The following GRIN2A variants were observed in gnomAD, a reference collection of about 807,000 sequenced individuals.
GRIN2A encodes glutamate ionotropic receptor NMDA type subunit 2A, also known as glutamate receptor ionotropic, NMDA 2A.
In GRIN2A, 22 loss-of-function variants were observed where a neutral mutation model predicts 113.4. The observed-to-expected ratio is 0.19, with a 90% CI of 0.14 to 0.28. GRIN2A has a LOEUF of 0.28. Ranked by LOEUF, GRIN2A falls within the 10% of genes least tolerant of loss-of-function variation. The probability of loss-of-function intolerance (pLI) is 1.00; values close to 1 mark genes in which losing one functional copy is unlikely to be tolerated. For missense variants in GRIN2A, 1,502 were observed against 1,887.0 expected (o/e 0.80, Z 3.78); for synonymous variants, 827 against 738.4 (o/e 1.12, Z -1.94).
At chr16:9,876,403 C>T (rs112181640) in intron 4 of GRIN2A, among the ~76,000 whole-genome samples, 2,686 of 152,250 alleles carry the variant, frequency 0.018, 79 homozygotes, top group African/African-American at 0.06. Flanking sequence ...CCCCCACATC[C>T]GCACGTCCTC....
intron 2 of GRIN2A, among the ~76,000 whole-genome samples, chr16:9,990,563 GCACACACA>G (rs71157799): frequency 0.011 from 1,427 of 124,462 alleles, 10 homozygotes; most frequent in Middle Eastern, 0.034. Context: ...GCGCGCGCGC[GCACACACA>G]CACACACACA....
rs1405276485 is a variant in GRIN2A, at chr16:10,180,142, C to T, written c.270G>A (p.Met90Ile). The T allele has an allele frequency of 6.2e-7, 1 of 1,614,232 alleles. No individual in the cohort carries two copies. The highest frequency in any genetic ancestry group is 1.1e-5 in the South Asian group (1 of 91,090). Residue 90 changes from methionine to isoleucine, a missense_variant, in exon 2 of 13, where the codon ATG becomes ATA. Met to Ile is a conservative substitution (Grantham distance 10). Transcript: ENST00000330684. The surrounding 1 kb of genome is among the most constrained non-coding windows in gnomAD (Gnocchi z 7.0). Reference protein sequence around the residue: ...KSLITHVCDLMSGARIHGLVF... With the variant: ...KSLITHVCDLISGARIHGLVF... Reference sequence around the variant, plus strand: ...CGAGGCCGTGGATGCGTGCCCCGGACATGAGGTCGCACACGTGCGTGATGA... The same window carrying T: ...CGAGGCCGTGGATGCGTGCCCCGGATATGAGGTCGCACACGTGCGTGATGA...
At position 10,133,378 on chromosome 16, in the gene GRIN2A, C is replaced by A. The variant is rs138945110; in HGVS notation, c.414+46620G>T. 4.9e-3 allele frequency among the ~76,000 whole-genome samples: 747 copies of A among 152,248 alleles called. 11 individuals carry two copies. The highest frequency in any genetic ancestry group is 0.016 in the African/African-American group (652 of 41,548). ...ATCCCAGCATTTTGGGAGGCCAAGG[C>A]GGGTGGATCACCTGAGGTCAGGAGT... On this transcript the variant is annotated intron_variant, in intron 2 of 12. Coordinates refer to ENST00000330684, the MANE Select transcript of GRIN2A (RefSeq NM_001134407.3).
At chr16:9,900,634 T>C (rs2043903469) in intron 3 of GRIN2A, among the ~76,000 whole-genome samples, 3 of 152,188 alleles carry the variant, frequency 2.0e-5, no homozygotes, top group Admixed American at 2.0e-4. Flanking sequence ...CTAATTCTAC[T>C]TTATTGGGAG....
At chr16:10,034,958 T>A (rs1490389417) in intron 2 of GRIN2A, among the ~76,000 whole-genome samples, 2 of 152,336 alleles carry the variant, frequency 1.3e-5, no homozygotes. Flanking sequence ...GCGGCCCCCA[T>A]TAAATATAAA....
chr16:10,080,218 G>GT (rs1233016551), intron 2 of GRIN2A, among the ~76,000 whole-genome samples: 3 of 152,178 alleles, frequency 2.0e-5, no homozygotes, highest in Non-Finnish European at 2.9e-5. Context: ...GTTTCTTGCT[G>GT]TGGTTCTCAC....
At chr16:10,000,234 A>T (rs2046296549) in intron 2 of GRIN2A, among the ~76,000 whole-genome samples, 1 of 152,060 alleles carries the variant, frequency 6.6e-6, no homozygotes, top group African/African-American at 2.4e-5. Flanking sequence ...CAACACATCC[A>T]CTGGTTCCAA....
chr16:9,895,272 G>A (rs2043781613), intron 3 of GRIN2A, among the ~76,000 whole-genome samples: 1 of 152,196 alleles, frequency 6.6e-6, no homozygotes, highest in Non-Finnish European at 1.5e-5. Context: ...GGGTTGTGCT[G>A]AGAAGGAAGA....
At chr16:9,824,363 G>A (rs1267318667) in intron 9 of GRIN2A, among the ~76,000 whole-genome samples, 1 of 152,218 alleles carries the variant, frequency 6.6e-6, no homozygotes, top group African/African-American at 2.4e-5. Flanking sequence ...GCCTGCTCGG[G>A]AGGAGAGAGG....
intron 2 of GRIN2A, among the ~76,000 whole-genome samples, chr16:10,004,243 G>C (rs1204524919): frequency 2.6e-5 from 4 of 151,954 alleles, no homozygotes; most frequent in African/African-American, 9.7e-5. Flanking sequence ...ACAAAAATCA[G>C]CTGGGCATGA....
rs754929136 is a variant in GRIN2A, at chr16:10,043,990, CGT to C, written c.415-105441_415-105440del. The stretch of plus-strand genomic sequence containing the variant: ...ACACACACATATATATATACACATA[CGT>C]GTGTGTGTGTGTGTGTATATATATA... On this transcript the variant is annotated intron_variant, in intron 2 of 12. Coordinates refer to ENST00000330684, the MANE Select transcript of GRIN2A (RefSeq NM_001134407.3). Among the ~76,000 whole-genome samples, 982 of 107,534 alleles carry C rather than the reference CGT, an allele frequency of 9.1e-3. 14 individuals carry two copies. Among genetic ancestry groups the C allele is most frequent in the Middle Eastern group, 0.024 (5 of 206 alleles). The allele number at this position is 107,534 out of a possible 152,430, so 70.5% of individuals were successfully genotyped here.
chr16:10,159,508 C>A (rs1412048506), intron 2 of GRIN2A, among the ~76,000 whole-genome samples: 1 of 152,128 alleles, frequency 6.6e-6, no homozygotes, highest in African/African-American at 2.4e-5. Flanking sequence ...GGGCTCTCGC[C>A]TGTACAGAGG....
chr16:10,108,931 A>G (rs2048552625), intron 2 of GRIN2A, among the ~76,000 whole-genome samples: 1 of 151,868 alleles, frequency 6.6e-6, no homozygotes, highest in Non-Finnish European at 1.5e-5. Flanking sequence ...GTCAGGAAAC[A>G]TCCTTTCTGA....
chr16:9,898,665 G>A (rs975933458), intron 3 of GRIN2A, among the ~76,000 whole-genome samples: 1 of 152,010 alleles, frequency 6.6e-6, no homozygotes, highest in Non-Finnish European at 1.5e-5. Context: ...TCCCTTAAAT[G>A]CCTCCTTGAA....
At chr16:9,814,835 C>T (rs564111304) in intron 10 of GRIN2A, among the ~76,000 whole-genome samples, 42 of 152,086 alleles carry the variant, frequency 2.8e-4, no homozygotes, top group Non-Finnish European at 4.3e-4. Context: ...GCCTGACCAA[C>T]ATGGAGAAAC....
intron 2 of GRIN2A, among the ~76,000 whole-genome samples, chr16:10,141,330 A>C (rs2142255650): frequency 6.6e-6 from 1 of 150,850 alleles, no homozygotes; most frequent in South Asian, 2.1e-4. Flanking sequence ...CTCTAATAAA[A>C]ATACAAAAAT....
chr16:10,147,370 A>T (rs1406919351), intron 2 of GRIN2A, among the ~76,000 whole-genome samples: 1 of 146,206 alleles, frequency 6.8e-6, no homozygotes, highest in Non-Finnish European at 1.5e-5. Context: ...GCACTTTGGG[A>T]GGCCGAGGTA....
intron 2 of GRIN2A, among the ~76,000 whole-genome samples, chr16:10,144,545 T>C (rs1461902286): frequency 6.6e-6 from 1 of 152,224 alleles, no homozygotes; most frequent in Non-Finnish European, 1.5e-5. Context: ...AGGAATTTCT[T>C]ATATATTTTG....
intron 4 of GRIN2A, among the ~76,000 whole-genome samples, chr16:9,872,147 G>T (rs1439570735): frequency 6.6e-6 from 1 of 152,084 alleles, no homozygotes; most frequent in African/African-American, 2.4e-5. Context: ...AACCCCAAGG[G>T]GTGGGTATTA....
Sources: gnomAD v4.1 joint callset for allele counts (sites outside exome capture counted in the v4.1 genomes callset) on GRCh38, gnomAD v4.1.1 for gene constraint, Gnocchi (gnomAD v3.1) non-coding constraint, MANE v1.5 for transcripts, NCBI Gene and HGNC (gene_info 2026-07-23, HGNC 2026-07-21) for gene names.